DCC: variants seen among roughly 807,000 people sequenced by gnomAD.
DCC encodes the protein netrin receptor DCC.
Under a neutral mutation model 172.5 loss-of-function variants are expected in DCC, and 58 were observed. The observed-to-expected ratio is 0.34, with a 90% CI of 0.27 to 0.42. The LOEUF is 0.42. Among genes scored for constraint, DCC ranks in the 10% least tolerant of loss-of-function variants. The pLI is 1.00. For missense variants in DCC, 1,740 were observed against 1,791.0 expected, an observed-to-expected ratio of 0.97 and a Z score of 0.51; for synonymous variants, 709 against 644.5, an observed-to-expected ratio of 1.10 and a Z score of -1.52.
intron 5 of DCC, among the ~76,000 whole-genome samples, chr18:52,945,774 G>C (rs924305002): frequency 6.6e-6 from 1 of 152,150 alleles, no homozygotes; most frequent in Non-Finnish European, 1.5e-5. Flanking sequence ...GTCAACCATG[G>C]GTCACAAACT....
intron 18 of DCC, among the ~76,000 whole-genome samples, chr18:53,400,703 AG>A: frequency 6.6e-6 from 1 of 152,186 alleles, no homozygotes; most frequent in East Asian, 1.9e-4. Context: ...ACATGACTTG[AG>A]GAAAAATAAG....
chr18:53,257,786 G>A (rs977869362), intron 12 of DCC, among the ~76,000 whole-genome samples: 20 of 152,276 alleles, frequency 1.3e-4, no homozygotes, highest in African/African-American at 4.8e-4. Flanking sequence ...AGAAGGAATG[G>A]TACCAGCTCC....
intron 1 of DCC, among the ~76,000 whole-genome samples, chr18:52,740,747 T>C (rs931098883): frequency 1.3e-5 from 2 of 152,230 alleles, no homozygotes; most frequent in South Asian, 2.1e-4. Flanking sequence ...CTCTATTTTA[T>C]GGATAATGAG....
intron 12 of DCC, among the ~76,000 whole-genome samples, chr18:53,301,079 C>T (rs536775866): frequency 2.3e-3 from 307 of 134,836 alleles, no homozygotes; most frequent in African/African-American, 8.1e-3. Flanking sequence ...TTCCTTCTTT[C>T]TTTCTTTCTT....
chr18:53,475,784 A>G (rs934053011), intron 25 of DCC, among the ~76,000 whole-genome samples: 1 of 152,194 alleles, frequency 6.6e-6, no homozygotes, highest in Non-Finnish European at 1.5e-5. Flanking sequence ...AGCTGTGAGA[A>G]GAAGGCCACC....
chr18:52,798,034 C>CAGGTTGCTTGCATGA (rs2037910327), intron 2 of DCC, among the ~76,000 whole-genome samples: 1 of 128,178 alleles, frequency 7.8e-6, no homozygotes, highest in South Asian at 3.2e-4. Flanking sequence ...CCCCAGATGC[C>CAGGTTGCTTGCATGA]AGGTTGCTTG....
intron 1 of DCC, among the ~76,000 whole-genome samples, chr18:52,674,657 C>T (rs1242978560): frequency 4.6e-5 from 7 of 152,232 alleles, no homozygotes; most frequent in African/African-American, 7.2e-5. Flanking sequence ...ACAATCTATA[C>T]ATTGGCACAG....
At chr18:52,794,525 C>A (rs28793076) in intron 2 of DCC, among the ~76,000 whole-genome samples, 6,196 of 151,962 alleles carry the variant, frequency 0.041, 214 homozygotes, top group South Asian at 0.16. Flanking sequence ...TTTATCAGTT[C>A]TGAGTTTTTT....
At chr18:53,226,914 C>CTGTGTG (rs35341474) in intron 12 of DCC, among the ~76,000 whole-genome samples, 12 of 103,684 alleles carry the variant, frequency 1.2e-4, no homozygotes, top group African/African-American at 4.1e-4. Flanking sequence ...AATAGTGTAA[C>CTGTGTG]TGTGTGTGTG....
At chr18:53,073,491 A>G (rs941045667) in intron 7 of DCC, among the ~76,000 whole-genome samples, 3 of 152,174 alleles carry the variant, frequency 2.0e-5, no homozygotes, top group African/African-American at 7.2e-5. Flanking sequence ...GCACCACTGC[A>G]CTCCAGCCTG....
intron 5 of DCC, among the ~76,000 whole-genome samples, chr18:52,954,724 C>A (rs898547002): frequency 1.3e-5 from 2 of 152,078 alleles, no homozygotes; most frequent in Admixed American, 6.5e-5. Flanking sequence ...AATTGAATAA[C>A]AATATAAATG....
At chr18:52,626,854 T>C (rs1354753486) in intron 1 of DCC, among the ~76,000 whole-genome samples, 1 of 152,210 alleles carries the variant, frequency 6.6e-6, no homozygotes, top group Non-Finnish European at 1.5e-5. Context: ...TGTAGTTAGA[T>C]GCATATATGA....
chr18:53,206,164 TAC>T (rs1470172778), intron 10 of DCC, among the ~76,000 whole-genome samples: 3 of 141,860 alleles, frequency 2.1e-5, no homozygotes, highest in Admixed American at 1.5e-4. Flanking sequence ...AATACATATA[TAC>T]ATATACATAT....
rs76054486 is a variant in DCC at position 52,674,668 on chromosome 18, C to T, written c.92-77386C>T. On this transcript the variant is annotated intron_variant, in intron 1 of 28. Coordinates refer to ENST00000442544, the MANE Select transcript of DCC (RefSeq NM_005215.4). Reference sequence around the variant, plus strand: ...TGTAACAATCTATACATTGGCACAGCGAATAACTAGTTAAGTTGGGAGTAG... The same window carrying T: ...TGTAACAATCTATACATTGGCACAGTGAATAACTAGTTAAGTTGGGAGTAG... Among the ~76,000 whole-genome samples, 918 of 152,276 alleles carry T rather than the reference C, an allele frequency of 6.0e-3. 12 individuals are homozygous for T. The highest frequency in any genetic ancestry group is 0.021 in the African/African-American group (861 of 41,566).
chr18:53,400,401 A>G (rs182644432), intron 18 of DCC, among the ~76,000 whole-genome samples: 1 of 152,282 alleles, frequency 6.6e-6, no homozygotes, highest in East Asian at 1.9e-4. Context: ...TGAAGTACAT[A>G]AAATAAAACA....
chr18:52,991,953 C>A (rs985513681), intron 5 of DCC, among the ~76,000 whole-genome samples: 6 of 152,170 alleles, frequency 3.9e-5, no homozygotes, highest in Admixed American at 1.3e-4. Context: ...GGATATTTTA[C>A]CATAGAAGTC....
rs530768513 is a variant in DCC, at chr18:53,367,226, A to G, written c.2360-18817A>G. On this transcript the variant is annotated intron_variant, in intron 15 of 28. Transcript: ENST00000442544. Reference sequence around the variant, plus strand: ...AATTATTTTTATTTTGAGCCACATTATCTTATAATAATTACAATGTAAGAT... The same window carrying G: ...AATTATTTTTATTTTGAGCCACATTGTCTTATAATAATTACAATGTAAGAT... 6.6e-5 allele frequency among the ~76,000 whole-genome samples: 10 copies of G among 152,310 alleles called. No individual in the cohort carries two copies. In the South Asian group the frequency reaches 2.1e-3, roughly 32 times the overall value.
rs967082669 is a variant in DCC, at chr18:52,958,751, A to G, written c.985+33381A>G. ...AGGAGGTGATATACTCAGCTGGAGAATATTGAAGGAGGAGAGACATGTTGT... is the reference window on the plus strand; with the variant it reads ...AGGAGGTGATATACTCAGCTGGAGAGTATTGAAGGAGGAGAGACATGTTGT... On this transcript the variant is annotated intron_variant, in intron 5 of 28. Coordinates refer to ENST00000442544, the MANE Select transcript of DCC (RefSeq NM_005215.4). Among the ~76,000 whole-genome samples, 9 of 151,886 alleles carry G rather than the reference A, an allele frequency of 5.9e-5. No individual in the cohort carries two copies. In the South Asian group the frequency reaches 1.7e-3, roughly 28 times the overall value.
At chr18:53,352,369 G>T (rs888630912) in intron 15 of DCC, among the ~76,000 whole-genome samples, 1 of 152,066 alleles carries the variant, frequency 6.6e-6, no homozygotes, top group Non-Finnish European at 1.5e-5. Flanking sequence ...CAATTGATTT[G>T]TGTGTTTTTC....
Sources: allele counts gnomAD v4.1 joint callset (sites outside exome capture counted in the v4.1 genomes callset), GRCh38; gene constraint gnomAD v4.1.1; transcripts MANE v1.5; gene names NCBI Gene and HGNC (gene_info 2026-07-23, HGNC 2026-07-21).